GABRA2: variants seen among roughly 807,000 people sequenced by gnomAD.
The protein encoded by GABRA2 is gamma-aminobutyric acid type A receptor subunit alpha2, also known as gamma-aminobutyric acid receptor subunit alpha-2.
GABRA2 carries 16 observed loss-of-function variants against 48.7 expected under a neutral mutation model. That is an observed-to-expected ratio of 0.33 (90% CI 0.22 to 0.50). The LOEUF is 0.50. Ranked by LOEUF, GABRA2 falls within the 20% of genes least tolerant of loss-of-function variation. The probability of loss-of-function intolerance (pLI) is 0.98; values close to 1 mark genes in which losing one functional copy is unlikely to be tolerated. For synonymous variants in GABRA2, 185 were observed against 184.5 expected (o/e 1.00, Z -0.02); for missense variants, 275 against 535.6 (o/e 0.51, Z 4.80).
chr4:46,355,912 T>C (rs562463091), intron 3 of GABRA2, among the ~76,000 whole-genome samples: 3 of 152,146 alleles, frequency 2.0e-5, no homozygotes, highest in Non-Finnish European at 4.4e-5. Context: ...AAACAAAATG[T>C]AGTCAAAACA....
intron 8 of GABRA2, among the ~76,000 whole-genome samples, chr4:46,278,958 A>T (rs1180203259): frequency 2.6e-5 from 4 of 151,736 alleles, no homozygotes; most frequent in Non-Finnish European, 4.4e-5. Flanking sequence ...ATAACATAAG[A>T]TGATAATTTA....
At chr4:46,317,698 C>A (rs1446796322) in intron 4 of GABRA2, among the ~76,000 whole-genome samples, 1 of 150,306 alleles carries the variant, frequency 6.7e-6, no homozygotes, top group East Asian at 2.0e-4. Context: ...AAGTGGGAAA[C>A]AAGAAAAAGA....
chr4:46,276,582 A>G (rs911082049), intron 8 of GABRA2, among the ~76,000 whole-genome samples: 1 of 148,664 alleles, frequency 6.7e-6, no homozygotes, highest in African/African-American at 2.5e-5. Flanking sequence ...CACCAAGAGC[A>G]TTACTGACTT....
chr4:46,350,847 T>G (rs560319635), intron 3 of GABRA2, among the ~76,000 whole-genome samples: 3 of 151,832 alleles, frequency 2.0e-5, no homozygotes, highest in African/African-American at 7.3e-5. Flanking sequence ...AAGAAATAAG[T>G]AGACAGATTA....
At chr4:46,369,332 A>T (rs1714529397) in intron 3 of GABRA2, among the ~76,000 whole-genome samples, 1 of 152,142 alleles carries the variant, frequency 6.6e-6, no homozygotes, top group Non-Finnish European at 1.5e-5. Context: ...AGAAGTTCAC[A>T]TTTTATTGGA....
At chr4:46,384,854 T>C (rs1388694113) in intron 3 of GABRA2, among the ~76,000 whole-genome samples, 1 of 152,052 alleles carries the variant, frequency 6.6e-6, no homozygotes, top group Admixed American at 6.6e-5. Context: ...TTTTTCCTAT[T>C]AGAAACTGAG....
chr4:46,253,735 G>A (rs1715257491), intron 9 of GABRA2, among the ~76,000 whole-genome samples: 1 of 151,384 alleles, frequency 6.6e-6, no homozygotes, highest in Non-Finnish European at 1.5e-5. Flanking sequence ...CCCAGTTGCT[G>A]GCACCTGTAA....
intron 4 of GABRA2, among the ~76,000 whole-genome samples, chr4:46,328,958 A>G (rs972758748): frequency 1.3e-5 from 2 of 152,186 alleles, no homozygotes; most frequent in South Asian, 2.1e-4. Flanking sequence ...TTAATTGAGC[A>G]CTATCTTCCC....
chr4:46,366,923 G>A (rs963830844), intron 3 of GABRA2: 2 of 151,944 alleles, frequency 1.3e-5, no homozygotes, highest in Non-Finnish European at 2.9e-5. Flanking sequence ...TGCATCTAGT[G>A]GCTCTTCCAA....
chr4:46,261,947 C>G lies in GABRA2; in HGVS notation c.1038G>C (p.Gly346=), dbSNP rs768210309. 6 of 1,613,760 alleles carry G rather than the reference C, an allele frequency of 3.7e-6. No individual in the cohort carries two copies. Among genetic ancestry groups the G allele is most frequent in the South Asian group, 1.1e-5 (1 of 91,066 alleles). ...YFTKRGWAWD[G]KSVVNDKKKE... Reference sequence around the variant, plus strand: ...TTACCTTGTCATTTACTACACTCTTCCCATCCCAAGCCCATCCTCTTTTGG... The same window carrying G: ...TTACCTTGTCATTTACTACACTCTTGCCATCCCAAGCCCATCCTCTTTTGG... The change falls in exon 9 of 10, where the codon GGG becomes GGC. Residue 346 remains glycine (G), a synonymous_variant. Coordinates refer to ENST00000381620, the MANE Select transcript of GABRA2 (RefSeq NM_000807.4).
chr4:46,276,017 TGA>T (rs1383633189), intron 8 of GABRA2, among the ~76,000 whole-genome samples: 1 of 152,062 alleles, frequency 6.6e-6, no homozygotes, highest in Non-Finnish European at 1.5e-5. Flanking sequence ...AGTAGAATAA[TGA>T]GAGTGGAAAA....
chr4:46,378,253 G>A (rs900375643), intron 3 of GABRA2, among the ~76,000 whole-genome samples: 21 of 152,222 alleles, frequency 1.4e-4, no homozygotes, highest in Admixed American at 2.6e-4. Context: ...GAAATCGGAT[G>A]GTTGCCGTGT....
At chr4:46,332,550 T>G in intron 4 of GABRA2, 65 bp downstream of exon 4, 1 of 905,292 alleles carries the variant, frequency 1.1e-6, no homozygotes, top group Non-Finnish European at 1.8e-6. Flanking sequence ...AAATGCTAGT[T>G]TATTTGAAAT....
intron 3 of GABRA2, among the ~76,000 whole-genome samples, chr4:46,360,144 A>T (rs1712928834): frequency 6.6e-6 from 1 of 152,184 alleles, no homozygotes; most frequent in Non-Finnish European, 1.5e-5. Flanking sequence ...CTTATTTAGC[A>T]TTTTGATTGT....
intron 3 of GABRA2, among the ~76,000 whole-genome samples, chr4:46,345,387 C>A (rs1396379543): frequency 1.3e-5 from 2 of 151,910 alleles, no homozygotes; most frequent in East Asian, 1.9e-4. Context: ...CCTAAACATA[C>A]AATGGTGTTC....
intron 4 of GABRA2, among the ~76,000 whole-genome samples, chr4:46,328,273 T>A (rs1007694786): frequency 2.1e-5 from 2 of 95,322 alleles, no homozygotes; most frequent in Non-Finnish European, 2.0e-5. Context: ...GATAGCAGAG[T>A]GTGTGTGTGT....
intron 3 of GABRA2, among the ~76,000 whole-genome samples, chr4:46,383,806 G>A (rs1717080036): frequency 6.6e-6 from 1 of 152,062 alleles, no homozygotes; most frequent in African/African-American, 2.4e-5. Flanking sequence ...TCCAGTCAGA[G>A]GAGATCATAT....
At chr4:46,268,237 A>C (rs1311761718) in intron 8 of GABRA2, among the ~76,000 whole-genome samples, 1 of 151,974 alleles carries the variant, frequency 6.6e-6, no homozygotes, top group Non-Finnish European at 1.5e-5. Context: ...ATATATTTAA[A>C]AAATTAACAG....
At chr4:46,375,057 A>G (rs1381809436) in intron 3 of GABRA2, among the ~76,000 whole-genome samples, 1 of 152,126 alleles carries the variant, frequency 6.6e-6, no homozygotes, top group African/African-American at 2.4e-5. Context: ...GATTTAACTC[A>G]TGTATCAAAT....
Sources: gnomAD v4.1 joint callset for allele counts (sites outside exome capture counted in the v4.1 genomes callset) on GRCh38, gnomAD v4.1.1 for gene constraint, MANE v1.5 for transcripts, NCBI Gene and HGNC (gene_info 2026-07-23, HGNC 2026-07-21) for gene names.